Variants in YLPM1 observed in about 807,000 individuals in gnomAD.
YLPM1 encodes the protein YLP motif containing 1.
Under a neutral mutation model 230.0 loss-of-function variants are expected in YLPM1, and 99 were observed. That is an observed-to-expected ratio of 0.43 (90% CI 0.37 to 0.51). The LOEUF (loss-of-function observed/expected upper bound fraction) is 0.51. Ranked by LOEUF, YLPM1 falls within the 20% of genes least tolerant of loss-of-function variation. The pLI is 0.00. For synonymous variants in YLPM1, 984 were observed against 942.5 expected (o/e 1.04, Z -0.81); for missense variants, 2,592 against 2,707.7 (o/e 0.96, Z 0.95).
intron 4 of YLPM1, among the ~76,000 whole-genome samples, chr14:74,789,066 C>T (rs2091178066): frequency 6.6e-6 from 1 of 152,094 alleles, no homozygotes; most frequent in South Asian, 2.1e-4. Context: ...ATCATAAATT[C>T]AATGTTTAAA....
At chr14:74,796,895 T>C (rs1022591107) in intron 4 of YLPM1, among the ~76,000 whole-genome samples, 4 of 151,518 alleles carry the variant, frequency 2.6e-5, no homozygotes, top group Non-Finnish European at 5.9e-5. Context: ...GAGTTAGTTA[T>C]GGAATTTGTT....
chr14:74,778,618 G>A lies in YLPM1; in HGVS notation c.1045G>A (p.Glu349Lys). The change falls in exon 2 of 21, where the codon GAG becomes AAG. Residue 349 changes from glutamate to lysine, a missense_variant. Transcript: ENST00000325680. ...TCAAGTTCCAGAATCTCCTTCTTCTGAGGAGCCCCCATTGCCACCTCCAAA... is the reference window on the plus strand; with the variant it reads ...TCAAGTTCCAGAATCTCCTTCTTCTAAGGAGCCCCCATTGCCACCTCCAAA... ...TSQVPESPSS[E>K]EPPLPPPNEE... 1.3e-6 allele frequency: 2 copies of A among 1,596,094 alleles called. No homozygotes were observed. Among genetic ancestry groups the A allele is most frequent in the Non-Finnish European group, 1.7e-6 (2 of 1,171,772 alleles).
Position 74,763,639 on chromosome 14 carries a change from C to A in YLPM1, c.150C>A (p.Phe50Leu). ...TTPAAPSSSG[F>L]MSFREQHLAQ... ...CCGCGGCCCCCTCCTCCTCGGGCTT[C>A]ATGAGCTTCCGCGAACAGCACTTGG... Residue 50 changes from phenylalanine (F) to leucine (L), a missense_variant, in exon 1 of 21, where the codon TTC becomes TTA. Phe to Leu is a conservative substitution (Grantham distance 22). Around this residue, in one of 4 missense-constraint regions of YLPM1, gnomAD observed 1,862 missense variants for 1,819.8 expected, o/e 1.02. Coordinates refer to ENST00000325680, the MANE Select transcript of YLPM1 (RefSeq NM_019589.3). 1.3e-6 allele frequency: 2 copies of A among 1,592,346 alleles called. No homozygotes were observed. The highest frequency in any genetic ancestry group is 1.7e-6 in the Non-Finnish European group (2 of 1,168,408).
chr14:74,798,755 G>T lies in YLPM1; in HGVS notation c.3458G>T (p.Arg1153Leu). Residue 1153 changes from arginine (R) to leucine (L), a missense_variant, in exon 5 of 21, where the codon CGA (arginine) becomes CTA (leucine). Arg to Leu is a moderately radical substitution (Grantham distance 102). Coordinates refer to ENST00000325680, the MANE Select transcript of YLPM1 (RefSeq NM_019589.3). Reference sequence around the variant, plus strand: ...GGACCACCTCGAGGGCCTGGCAGTCGAGAAAGGGGACTGGGAAGATCAGAT... The same window carrying T: ...GGACCACCTCGAGGGCCTGGCAGTCTAGAAAGGGGACTGGGAAGATCAGAT... The part of the protein sequence containing the change: ...ERGPPRGPGS[R>L]ERGLGRSDFG... The T allele has an allele frequency of 6.2e-7, 1 of 1,613,502 alleles. No individual in the cohort carries two copies. Among genetic ancestry groups the T allele is most frequent in the Admixed American group, 1.7e-5 (1 of 60,004 alleles).
chr14:74,831,510 C>T (rs2140147064), intron 19 of YLPM1, among the ~76,000 whole-genome samples: 1 of 152,294 alleles, frequency 6.6e-6, no homozygotes, highest in Non-Finnish European at 1.5e-5. Flanking sequence ...GAAATATTTT[C>T]TCTGTTTTTA....
In YLPM1 at chr14:74,763,329, G is replaced by A; in HGVS notation, c.-161G>A. 1.2e-6 allele frequency: 1 copy of A among 809,204 alleles called. No individual in the cohort carries two copies. The highest frequency in any genetic ancestry group is 1.7e-6 in the Non-Finnish European group (1 of 582,184). 50.1% of individuals were successfully genotyped at this position (809,204 alleles called of 1,614,324 possible). A position where few individuals can be genotyped will look rare whatever the true frequency, so the allele number is the denominator to read the frequency against. Reference sequence around the variant, plus strand: ...TCGCGTCCCCGCCTTCCCGGTCGCGGGCCCAGCTCGGGAGCGCCGGCGCAC... The same window carrying A: ...TCGCGTCCCCGCCTTCCCGGTCGCGAGCCCAGCTCGGGAGCGCCGGCGCAC... On this transcript the variant is annotated 5_prime_UTR_variant, in exon 1 of 21. Transcript: ENST00000325680.
At chr14:74,793,229 T>G (rs2091225014) in intron 4 of YLPM1, among the ~76,000 whole-genome samples, 1 of 152,198 alleles carries the variant, frequency 6.6e-6, no homozygotes, top group Non-Finnish European at 1.5e-5. Context: ...TCTCTTAACT[T>G]TGGGACATTT....
rs113006868 is a variant in YLPM1, at chr14:74,831,291, G to A, written c.6294+1948G>A. 9.6e-3 allele frequency among the ~76,000 whole-genome samples: 1,468 copies of A among 152,184 alleles called. 10 individuals are homozygous for A. The highest frequency in any genetic ancestry group is 0.017 in the Middle Eastern group (5 of 290). Reference sequence around the variant, plus strand: ...AGGTTTCAAAGCTTTTTAAAATACTGCAGATACTCCAAAGCCTGCCCTTGT... The same window carrying A: ...AGGTTTCAAAGCTTTTTAAAATACTACAGATACTCCAAAGCCTGCCCTTGT... On this transcript the variant is annotated intron_variant, in intron 19 of 20. Coordinates refer to ENST00000325680, the MANE Select transcript of YLPM1 (RefSeq NM_019589.3).
At chr14:74,788,261 C>T (rs541913388) in intron 4 of YLPM1, among the ~76,000 whole-genome samples, 2 of 152,086 alleles carry the variant, frequency 1.3e-5, no homozygotes, top group South Asian at 2.1e-4. Flanking sequence ...GCTGGAACTA[C>T]AGGTGCCCAC....
intron 4 of YLPM1, among the ~76,000 whole-genome samples, chr14:74,789,785 G>T (rs974643035): frequency 1.3e-5 from 2 of 151,764 alleles, no homozygotes; most frequent in Non-Finnish European, 2.9e-5. Flanking sequence ...GTCCCACCAT[G>T]CTTGGCTACG....
chr14:74,766,205 G>A (rs1447527485), intron 1 of YLPM1, among the ~76,000 whole-genome samples: 1 of 152,146 alleles, frequency 6.6e-6, no homozygotes, highest in African/African-American at 2.4e-5. Context: ...AATAAAATAC[G>A]AGAGTTGTCA....
At chr14:74,765,238 A>G (rs1237263705) in intron 1 of YLPM1, among the ~76,000 whole-genome samples, 1 of 152,210 alleles carries the variant, frequency 6.6e-6, no homozygotes, top group Non-Finnish European at 1.5e-5. Context: ...GAATAAATCA[A>G]TTGTTATGAT....
chr14:74,772,159 C>G (rs1052127029), intron 1 of YLPM1, among the ~76,000 whole-genome samples: 1 of 151,676 alleles, frequency 6.6e-6, no homozygotes, highest in African/African-American at 2.4e-5. Flanking sequence ...GTATCTAGTT[C>G]ATTACTAGCA....
Position 74,763,316 on chromosome 14 carries a change from C to A in YLPM1, c.-174C>A, listed in dbSNP as rs999530505. On this transcript the variant is annotated 5_prime_UTR_variant, in exon 1 of 21. Transcript: ENST00000325680. ...GTAGTCGCCCAAGTCGCGTCCCCGC[C>A]TTCCCGGTCGCGGGCCCAGCTCGGG... 1.5e-6 allele frequency: 1 copy of A among 673,124 alleles called. No individual in the cohort carries two copies. Among genetic ancestry groups the A allele is most frequent in the Admixed American group, 4.3e-5 (1 of 23,186 alleles). 41.7% of individuals were successfully genotyped at this position (673,124 alleles called of 1,614,324 possible).
chr14:74,828,109 CT>C, intron 18 of YLPM1: 2 of 695,826 alleles, frequency 2.9e-6, no homozygotes, highest in Non-Finnish European at 1.8e-6. Context: ...GTGTGTAAAA[CT>C]TTTATATTTG....
At chr14:74,782,387 G>C in intron 4 of YLPM1, 62 bp downstream of exon 4, 1 of 1,456,472 alleles carries the variant, frequency 6.9e-7, no homozygotes. Context: ...TAGGCTATTT[G>C]GTTCTCGATG....
At position 74,778,556 on chromosome 14, in the gene YLPM1, A is replaced by C; in HGVS notation, c.983A>C (p.Glu328Ala). The C allele has an allele frequency of 6.2e-7, 1 of 1,606,344 alleles. No homozygotes were observed. The highest frequency in any genetic ancestry group is 8.5e-7 in the Non-Finnish European group (1 of 1,176,462). ...KGPVVAKDTP[E>A]PVKEEVTVPA... Reference sequence around the variant, plus strand: ...CCTGTGGTAGCAAAGGATACACCAGAGCCGGTAAAAGAAGAAGTTACAGTA... The same window carrying C: ...CCTGTGGTAGCAAAGGATACACCAGCGCCGGTAAAAGAAGAAGTTACAGTA... Residue 328 changes from glutamate to alanine, a missense_variant, in exon 2 of 21, where the codon GAG (glutamate) becomes GCG (alanine). Glu to Ala is a moderately radical substitution (Grantham distance 107, BLOSUM62 -1). Transcript: ENST00000325680.
chr14:74,802,471 C>CT (rs2091337385), intron 5 of YLPM1, 85 bp from the exon 6 acceptor site: 3 of 1,464,138 alleles, frequency 2.0e-6, no homozygotes, highest in Non-Finnish European at 2.7e-6. Context: ...TTTAGGTCTC[C>CT]TTTTTTTAAT....
chr14:74,833,412 C>A (rs912314721), intron 19 of YLPM1, among the ~76,000 whole-genome samples: 1 of 152,006 alleles, frequency 6.6e-6, no homozygotes, highest in African/African-American at 2.4e-5. Flanking sequence ...CACACCATGC[C>A]CAGCTAATTT....
Sources: gnomAD v4.1 joint callset for allele counts (sites outside exome capture counted in the v4.1 genomes callset) on GRCh38, gnomAD v4.1.1 for gene constraint, gnomAD v4.1.1 regional missense constraint, MANE v1.5 for transcripts, NCBI Gene and HGNC (gene_info 2026-07-23, HGNC 2026-07-21) for gene names.